RBPMS: variants seen among roughly 807,000 people sequenced by gnomAD.
RBPMS encodes the protein RNA-binding protein with multiple splicing.
RBPMS carries 7 observed loss-of-function variants against 26.8 expected under a neutral mutation model. That is an observed-to-expected ratio of 0.26 (90% CI 0.15 to 0.49). The LOEUF is 0.49. Among genes scored for constraint, RBPMS ranks in the 20% least tolerant of loss-of-function variants. RBPMS has a pLI of 0.98. For synonymous variants in RBPMS, 96 were observed against 93.3 expected, an observed-to-expected ratio of 1.03 and a Z score of -0.17; for missense variants, 186 against 250.0, an observed-to-expected ratio of 0.74 and a Z score of 1.73.
chr8:30,437,469 G>T (rs2150692776), intron 1 of RBPMS, among the ~76,000 whole-genome samples: 1 of 149,714 alleles, frequency 6.7e-6, no homozygotes, highest in Middle Eastern at 3.6e-3. Flanking sequence ...AGCCTGGCCA[G>T]TATGGTAAAA....
intron 5 of RBPMS, chr8:30,537,615 T>G: frequency 4.4e-6 from 2 of 456,284 alleles, no homozygotes; most frequent in Non-Finnish European, 8.8e-6. Flanking sequence ...GGCAGTGAAG[T>G]GCAGAAGTGA....
intron 7 of RBPMS, chr8:30,564,622 C>T (rs1234521650): frequency 6.6e-6 from 1 of 152,434 alleles, no homozygotes; most frequent in African/African-American, 2.4e-5. Context: ...CCAACCTGCT[C>T]CTGCCCATTG....
At chr8:30,435,064 G>GC (rs1812316089) in intron 1 of RBPMS, among the ~76,000 whole-genome samples, 1 of 152,072 alleles carries the variant, frequency 6.6e-6, no homozygotes, top group Admixed American at 6.6e-5. Flanking sequence ...TACAGGTTAA[G>GC]CATCCCTTAT....
At chr8:30,408,590 G>T (rs1443809787) in intron 1 of RBPMS, among the ~76,000 whole-genome samples, 1 of 152,110 alleles carries the variant, frequency 6.6e-6, no homozygotes, top group Non-Finnish European at 1.5e-5. Context: ...AAAAACATTT[G>T]GAGGCTCCTT....
intron 3 of RBPMS, among the ~76,000 whole-genome samples, chr8:30,478,792 C>T (rs1461371766): frequency 6.6e-6 from 1 of 152,174 alleles, no homozygotes; most frequent in Non-Finnish European, 1.5e-5. Context: ...GCCACCCTGC[C>T]CAGCCAGCAC....
intron 1 of RBPMS, among the ~76,000 whole-genome samples, chr8:30,411,681 A>AAAGAG (rs1554507356): frequency 4.1e-4 from 53 of 127,958 alleles, no homozygotes; most frequent in African/African-American, 1.5e-3. Context: ...AAAAAAAAAA[A>AAAGAG]AAAGAAAAAG....
chr8:30,555,471 T>C (rs1159808836), intron 6 of RBPMS, among the ~76,000 whole-genome samples: 1 of 152,130 alleles, frequency 6.6e-6, no homozygotes, highest in Non-Finnish European at 1.5e-5. Flanking sequence ...TTTGGTTAAG[T>C]ATATTGTGTT....
rs185397689 is a variant in RBPMS at position 30,437,244 on chromosome 8, G to C, written c.67-37535G>C. ...CCGATATATGTAGCATTTTGACCTA[G>C]ATTTGTTGGGATTATAAGTCAAAAT... On this transcript the variant is annotated intron_variant, in intron 1 of 8. Transcript: ENST00000397323. Among the ~76,000 whole-genome samples the C allele has an allele frequency of 3.8e-4, 58 of 151,994 alleles. No homozygotes were observed. The East Asian group carries it at 9.3e-3, about 24-fold the overall frequency.
intron 1 of RBPMS, chr8:30,453,805 A>T (rs12156180): frequency 0.17 from 26,520 of 152,142 alleles, 2,583 homozygotes; most frequent in Middle Eastern, 0.21. Context: ...TCTCAGTGGG[A>T]GTAGGTACAA....
At chr8:30,546,092 T>C (rs949899717) in intron 6 of RBPMS, among the ~76,000 whole-genome samples, 11 of 152,110 alleles carry the variant, frequency 7.2e-5, no homozygotes, top group African/African-American at 2.7e-4. Context: ...GTCATTAGGA[T>C]CTTTGTAGCA....
chr8:30,547,469 T>C, intron 6 of RBPMS: 1 of 1,571,240 alleles, frequency 6.4e-7, no homozygotes, highest in Non-Finnish European at 8.6e-7. Context: ...AACTATTTCT[T>C]GACGACCTTT....
intron 6 of RBPMS, chr8:30,558,577 A>T: frequency 4.1e-6 from 2 of 483,792 alleles, no homozygotes; most frequent in Middle Eastern, 5.8e-4. Context: ...GCTGTGCCGG[A>T]TCTTAGCCTC....
chr8:30,546,002 A>G (rs1404384210), intron 6 of RBPMS, among the ~76,000 whole-genome samples: 2 of 152,076 alleles, frequency 1.3e-5, no homozygotes, highest in Non-Finnish European at 2.9e-5. Context: ...TCCTTTTTCC[A>G]TGTCAGTGCT....
At chr8:30,538,885 G>A (rs1421784516) in intron 5 of RBPMS, among the ~76,000 whole-genome samples, 1 of 152,150 alleles carries the variant, frequency 6.6e-6, no homozygotes, top group African/African-American at 2.4e-5. Context: ...TTTTGATTTG[G>A]GGAAATGCCA....
At chr8:30,452,922 T>C (rs1227846060) in intron 1 of RBPMS, among the ~76,000 whole-genome samples, 2 of 152,210 alleles carry the variant, frequency 1.3e-5, no homozygotes, top group African/African-American at 4.8e-5. Context: ...AAAATGTCAG[T>C]ATCTCCTGAC....
intron 1 of RBPMS, among the ~76,000 whole-genome samples, chr8:30,390,427 C>T (rs1005479110): frequency 3.9e-5 from 6 of 152,174 alleles, no homozygotes; most frequent in African/African-American, 1.4e-4. Context: ...ATCCTTACAC[C>T]ATACTGCTGG....
At chr8:30,390,960 T>A (rs1001615122) in intron 1 of RBPMS, among the ~76,000 whole-genome samples, 13 of 152,254 alleles carry the variant, frequency 8.5e-5, no homozygotes, top group Non-Finnish European at 1.8e-4. Context: ...TCGTTTAATA[T>A]TGAGGATCCC....
chr8:30,450,810 A>AAAAAAAAAT (rs59040656), intron 1 of RBPMS, among the ~76,000 whole-genome samples: 11 of 137,776 alleles, frequency 8.0e-5, no homozygotes, highest in Non-Finnish European at 1.3e-4. Flanking sequence ...AAAAAAAAAA[A>AAAAAAAAAT]GTGTGTTTTT....
chr8:30,411,468 C>G (rs1206314844), intron 1 of RBPMS, among the ~76,000 whole-genome samples: 2 of 150,972 alleles, frequency 1.3e-5, no homozygotes, highest in Non-Finnish European at 2.9e-5. Context: ...AGTTCGAGAC[C>G]AGCATGGGCA....
Sources: allele counts gnomAD v4.1 joint callset (sites outside exome capture counted in the v4.1 genomes callset), GRCh38; gene constraint gnomAD v4.1.1; transcripts MANE v1.5; gene names NCBI Gene and HGNC (gene_info 2026-07-23, HGNC 2026-07-21).